The following IL1RAPL1 variants were observed in gnomAD, a reference collection of about 807,000 sequenced individuals.
IL1RAPL1 encodes interleukin 1 receptor accessory protein like 1.
In IL1RAPL1, 3 loss-of-function variants were observed where a neutral mutation model predicts 48.4. The ratio of observed to expected loss-of-function variants is 0.06; its 90% CI spans 0.03 to 0.16. IL1RAPL1 has a LOEUF of 0.16. IL1RAPL1 is among the 10% of genes least tolerant of loss of function. The probability of loss-of-function intolerance (pLI) is 1.00; values close to 1 mark genes in which losing one functional copy is unlikely to be tolerated. For missense variants in IL1RAPL1, 349 were observed against 530.6 expected (o/e 0.66, Z 3.36); for synonymous variants, 185 against 187.7 (o/e 0.99, Z 0.12).
intron 2 of IL1RAPL1, among the ~76,000 whole-genome samples, chrX:28,916,275 T>G (rs1454107657): frequency 9.0e-6 from 1 of 111,259 alleles, no homozygotes; most frequent in Non-Finnish European, 1.9e-5. Flanking sequence ...TTCCCCATTC[T>G]TAGGTCAATT....
chrX:28,974,686 A>G (rs1427219412), intron 2 of IL1RAPL1, among the ~76,000 whole-genome samples: 1 of 111,993 alleles, frequency 8.9e-6, no homozygotes, highest in Non-Finnish European at 1.9e-5. Context: ...ATAGACTAAC[A>G]TGTGCAGGGA....
chrX:29,066,258 C>G (rs1927449182), intron 2 of IL1RAPL1, among the ~76,000 whole-genome samples: 1 of 111,891 alleles, frequency 8.9e-6, no homozygotes, highest in African/African-American at 3.2e-5. Context: ...ATTTTCCTGA[C>G]AGTATGAAGC....
chrX:29,775,936 T>C (rs954024167), intron 6 of IL1RAPL1, among the ~76,000 whole-genome samples: 1 of 111,325 alleles, frequency 9.0e-6, no homozygotes, highest in Non-Finnish European at 1.9e-5. Context: ...TCTGCCACCT[T>C]GCACCCCCGT....
chrX:28,902,056 C>T (rs1426142277), intron 2 of IL1RAPL1, among the ~76,000 whole-genome samples: 1 of 111,920 alleles, frequency 8.9e-6, no homozygotes, highest in African/African-American at 3.2e-5. Flanking sequence ...CTCCAGAAAT[C>T]GTCAGTAAGA....
chrX:28,609,527 C>T (rs1221208461), intron 1 of IL1RAPL1, among the ~76,000 whole-genome samples: 4 of 105,315 alleles, frequency 3.8e-5, no homozygotes, highest in African/African-American at 3.5e-5. Flanking sequence ...GAGGGTTAGC[C>T]TGGCAGGCAT....
intron 5 of IL1RAPL1, among the ~76,000 whole-genome samples, chrX:29,427,962 A>G (rs1306693128): frequency 8.9e-6 from 1 of 111,986 alleles, no homozygotes; most frequent in Non-Finnish European, 1.9e-5. Context: ...ACTGTAAACT[A>G]AATTCCTCCC....
chrX:28,784,364 A>AT (rs1159713614), intron 1 of IL1RAPL1, among the ~76,000 whole-genome samples: 1 of 111,987 alleles, frequency 8.9e-6, no homozygotes, highest in African/African-American at 3.2e-5. Context: ...ATAGTGAATC[A>AT]TTTTTTTAGC....
chrX:29,128,114 A>G (rs983657154), intron 2 of IL1RAPL1, among the ~76,000 whole-genome samples: 1 of 111,466 alleles, frequency 9.0e-6, no homozygotes, highest in African/African-American at 3.3e-5. Flanking sequence ...TTAGTTGCAT[A>G]GGAAAAATAA....
chrX:29,788,922 T>G (rs1929567607), intron 6 of IL1RAPL1, among the ~76,000 whole-genome samples: 1 of 111,679 alleles, frequency 9.0e-6, no homozygotes, highest in Admixed American at 9.5e-5. Context: ...AAAATTTCAT[T>G]GATAAACTTG....
chrX:29,859,877 T>C (rs1433513829), intron 6 of IL1RAPL1, among the ~76,000 whole-genome samples: 1 of 111,970 alleles, frequency 8.9e-6, no homozygotes, highest in Non-Finnish European at 1.9e-5. Flanking sequence ...ATAAAATACA[T>C]TGATATGCTT....
At chrX:29,077,188 G>A (rs1223327739) in intron 2 of IL1RAPL1, among the ~76,000 whole-genome samples, 1 of 112,470 alleles carries the variant, frequency 8.9e-6, no homozygotes, top group African/African-American at 3.2e-5. Flanking sequence ...ACGATTTTGG[G>A]CAGTTACACA....
intron 5 of IL1RAPL1, 89 bp downstream of exon 5, chrX:29,399,397 C>G: frequency 1.4e-6 from 1 of 737,018 alleles, no homozygotes; most frequent in Non-Finnish European, 2.1e-6. Context: ...TTTTTACTCT[C>G]TAAAGAATTA....
chrX:29,073,360 CT>C (rs2147442194), intron 2 of IL1RAPL1, among the ~76,000 whole-genome samples: 1 of 111,134 alleles, frequency 9.0e-6, no homozygotes, highest in South Asian at 3.8e-4. Flanking sequence ...TGCTTCTTGC[CT>C]CCTTTTCTCT....
rs1008119775 is a variant in IL1RAPL1, at chrX:29,613,299, C to T, written c.704-55131C>T. ...GATGAGATATTTTGTCTTTTTTATA[C>T]TAAGTCTTTAAATTCGGGTCACATT... On this transcript the variant is annotated intron_variant, in intron 5 of 10. Coordinates refer to ENST00000378993, the MANE Select transcript of IL1RAPL1 (RefSeq NM_014271.4). Among the ~76,000 whole-genome samples, 12 of 111,654 alleles carry T rather than the reference C, an allele frequency of 1.1e-4. No individual in the cohort carries two copies. In the South Asian group the frequency reaches 3.0e-3, roughly 28 times the overall value.
At chrX:29,551,635 G>T (rs756287333) in intron 5 of IL1RAPL1, among the ~76,000 whole-genome samples, 1 of 111,293 alleles carries the variant, frequency 9.0e-6, no homozygotes, top group Non-Finnish European at 1.9e-5. Context: ...ATTCATGTAC[G>T]TAATGAACTG....
chrX:29,747,733 G>A (rs1280200349), intron 6 of IL1RAPL1, among the ~76,000 whole-genome samples: 3 of 112,554 alleles, frequency 2.7e-5, no homozygotes, highest in Admixed American at 9.4e-5. Flanking sequence ...GGAAAAAGTG[G>A]CTTTAAGAAA....
intron 5 of IL1RAPL1, among the ~76,000 whole-genome samples, chrX:29,598,264 T>C (rs759674380): frequency 1.5e-4 from 17 of 112,464 alleles, no homozygotes; most frequent in African/African-American, 5.2e-4. Flanking sequence ...AAAATTTTCA[T>C]CTTGATTTCG....
chrX:29,873,722 A>G (rs952277573), intron 6 of IL1RAPL1, among the ~76,000 whole-genome samples: 55 of 111,880 alleles, frequency 4.9e-4, no homozygotes, highest in Non-Finnish European at 1.1e-4. Flanking sequence ...ACAAGTGATG[A>G]TGTTTCTAGA....
At chrX:29,308,350 G>A (rs770559827) in intron 3 of IL1RAPL1, among the ~76,000 whole-genome samples, 3 of 111,693 alleles carry the variant, frequency 2.7e-5, no homozygotes, top group Non-Finnish European at 5.6e-5. Context: ...AATCCAAAGT[G>A]TGGCTCTCAT....
Sources: gnomAD v4.1 joint callset for allele counts (sites outside exome capture counted in the v4.1 genomes callset) on GRCh38, gnomAD v4.1.1 for gene constraint, MANE v1.5 for transcripts, NCBI Gene and HGNC (gene_info 2026-07-23, HGNC 2026-07-21) for gene names.